Variants in DGKI observed in about 807,000 individuals in gnomAD.
DGKI encodes diacylglycerol kinase iota, also known as DAG kinase iota.
Under a neutral mutation model 147.5 loss-of-function variants are expected in DGKI, and 55 were observed. That is an observed-to-expected ratio of 0.37 (90% confidence interval 0.30 to 0.47). The LOEUF is 0.47. Ranked by LOEUF, DGKI falls within the 20% of genes least tolerant of loss-of-function variation. The pLI is 1.00. For synonymous variants in DGKI, 469 were observed against 477.1 expected, an observed-to-expected ratio of 0.98 and a Z score of 0.22; for missense variants, 1,007 against 1,323.8, an observed-to-expected ratio of 0.76 and a Z score of 3.71.
At chr7:137,466,098 G>A (rs1204113136) in intron 25 of DGKI, 63 bp from the exon 26 acceptor site, 2 of 1,582,188 alleles carry the variant, frequency 1.3e-6, no homozygotes, top group Non-Finnish European at 1.7e-6. Context: ...TGGTCTCGAG[G>A]AATAATGAAA....
intron 2 of DGKI, among the ~76,000 whole-genome samples, chr7:137,680,510 TGGCTCATGCCTGTAATCCCAGCGCTTCA>T (rs1190243837): frequency 2.6e-5 from 4 of 152,152 alleles, no homozygotes; most frequent in African/African-American, 9.7e-5. Context: ...CCAGGAGCAG[TGGCTCATGCCTGTAATCCCAGCGCTTCA>T]GGAGGCTGAG....
intron 1 of DGKI, among the ~76,000 whole-genome samples, chr7:137,845,393 T>G (rs114298963): frequency 2.6e-5 from 4 of 152,170 alleles, no homozygotes; most frequent in African/African-American, 4.8e-5. Flanking sequence ...GCTTAATACT[T>G]TATATGGTTT....
chr7:137,616,916 G>C (rs1486442413), intron 8 of DGKI, among the ~76,000 whole-genome samples: 2 of 151,654 alleles, frequency 1.3e-5, no homozygotes, highest in African/African-American at 4.8e-5. Context: ...ATTGGAAAAC[G>C]ACTCCTTGGC....
intron 6 of DGKI, among the ~76,000 whole-genome samples, chr7:137,638,226 G>C (rs1477309052): frequency 6.6e-6 from 1 of 151,566 alleles, no homozygotes; most frequent in Non-Finnish European, 1.5e-5. Flanking sequence ...CTCATTTGCT[G>C]GTGGCTCTCT....
chr7:137,768,624 T>C lies in DGKI; in HGVS notation c.401+77838A>G, dbSNP rs550121885. Among the ~76,000 whole-genome samples the C allele has an allele frequency of 3.3e-5, 5 of 152,332 alleles. No individual in the cohort carries two copies. The East Asian group carries it at 9.6e-4, about 29-fold the overall frequency. ...GGGAGGCAACCCGACTGCATGCACGTACAGGCCCCGGGCAGAATCACGCTG... is the reference window on the plus strand; with the variant it reads ...GGGAGGCAACCCGACTGCATGCACGCACAGGCCCCGGGCAGAATCACGCTG... On this transcript the variant is annotated intron_variant, in intron 1 of 32. Transcript: ENST00000614521.
rs149329953 is a variant in DGKI at position 137,779,067 on chromosome 7, AAGAT to A, written c.401+67391_401+67394del. Among the ~76,000 whole-genome samples the A allele has an allele frequency of 1.4e-3, 216 of 152,350 alleles. 3 individuals carry two copies. In the East Asian group the frequency reaches 0.032, roughly 23 times the overall value. The stretch of plus-strand genomic sequence containing the variant: ...ATACATTAATCTTGAAAACAGAAAA[AAGAT>A]AGAGAATTCATACCACATGACTTGA... On this transcript the variant is annotated intron_variant, in intron 1 of 32. Coordinates refer to ENST00000614521, the MANE Select transcript of DGKI (RefSeq NM_001321708.2).
In DGKI at chr7:137,397,421, A is replaced by G; in HGVS notation, c.2921-8T>C. 6.2e-7 allele frequency: 1 copy of G among 1,611,264 alleles called. No homozygotes were observed. Among genetic ancestry groups the G allele is most frequent in the East Asian group, 2.2e-5 (1 of 44,840 alleles). On this transcript the variant is annotated splice_region_variant and splice_polypyrimidine_tract_variant and intron_variant, in intron 30 of 32. Coordinates refer to ENST00000614521, the MANE Select transcript of DGKI (RefSeq NM_001321708.2). Reference sequence around the variant, plus strand: ...CCAATAACTCGGAAGGTCCTAAATAAGAAGAAAGCAAGATGACCGTCAAAA... The same window carrying G: ...CCAATAACTCGGAAGGTCCTAAATAGGAAGAAAGCAAGATGACCGTCAAAA...
rs147105837 is a variant in DGKI, at chr7:137,634,724, C to T, written c.804+10748G>A. ...CTGGAAAAATGGGAGTACTGAATGA[C>T]GAGCTCAAAGAGGAGGAAAATGCTG... On this transcript the variant is annotated intron_variant, in intron 6 of 32. Coordinates refer to ENST00000614521, the MANE Select transcript of DGKI (RefSeq NM_001321708.2). Among the ~76,000 whole-genome samples, 119 of 152,256 alleles carry T rather than the reference C, an allele frequency of 7.8e-4. 6 individuals are homozygous for T. The East Asian group carries it at 0.021, about 26-fold the overall frequency.
At chr7:137,793,417 C>T (rs532384119) in intron 1 of DGKI, among the ~76,000 whole-genome samples, 1 of 152,168 alleles carries the variant, frequency 6.6e-6, no homozygotes, top group East Asian at 1.9e-4. Flanking sequence ...TCTCCTGCCT[C>T]AGCCTCCTGA....
At chr7:137,706,519 TATTTTATTTC>T (rs1180420349) in intron 1 of DGKI, among the ~76,000 whole-genome samples, 72 of 144,132 alleles carry the variant, frequency 5.0e-4, no homozygotes, top group African/African-American at 1.5e-3. Context: ...TATTTCATTT[TATTTTATTTC>T]ATTTTATTTC....
chr7:137,506,362 T>C (rs1317483985), intron 21 of DGKI, among the ~76,000 whole-genome samples: 1 of 152,142 alleles, frequency 6.6e-6, no homozygotes, highest in Non-Finnish European at 1.5e-5. Context: ...AAAGGCTACA[T>C]GATGTATAAT....
In DGKI at chr7:137,678,807, C is replaced by A. The variant is rs10269622; in HGVS notation, c.511-155G>T. Among the ~76,000 whole-genome samples the A allele has an allele frequency of 0.054, 8,205 of 152,162 alleles. 679 individuals are homozygous for A. Among genetic ancestry groups the A allele is most frequent in the African/African-American group, 0.18 (7,458 of 41,478 alleles). Reference sequence around the variant, plus strand: ...TAAAAGTACTGCTAGAGTTGATTCTCCCGAAATTCTAAAAAGGGAGAAAGG... The same window carrying A: ...TAAAAGTACTGCTAGAGTTGATTCTACCGAAATTCTAAAAAGGGAGAAAGG... On this transcript the variant is annotated intron_variant, in intron 2 of 32. Coordinates refer to ENST00000614521, the MANE Select transcript of DGKI (RefSeq NM_001321708.2).
intron 15 of DGKI, among the ~76,000 whole-genome samples, chr7:137,580,020 A>C (rs1819133402): frequency 6.6e-6 from 1 of 152,102 alleles, no homozygotes; most frequent in African/African-American, 2.4e-5. Flanking sequence ...TAGAAACTTC[A>C]TCATAGTTCA....
intron 1 of DGKI, chr7:137,771,631 A>G (rs1375201213): frequency 6.6e-6 from 1 of 152,226 alleles, no homozygotes; most frequent in Admixed American, 6.5e-5. Context: ...GATTATTTCA[A>G]TGATATTTAA....
intron 21 of DGKI, among the ~76,000 whole-genome samples, chr7:137,517,241 G>GAAC (rs1816778351): frequency 1.0e-5 from 1 of 99,826 alleles, no homozygotes; most frequent in Admixed American, 1.0e-4. Context: ...AAGAAAGAAA[G>GAAC]AAAGAAAAGA....
intron 28 of DGKI, among the ~76,000 whole-genome samples, chr7:137,433,924 C>T (rs1813179966): frequency 6.6e-6 from 1 of 151,716 alleles, no homozygotes; most frequent in Admixed American, 6.6e-5. Flanking sequence ...TCGAGACCAG[C>T]CTGGCCAACA....
chr7:137,762,203 A>G (rs1450625436), intron 1 of DGKI, among the ~76,000 whole-genome samples: 3 of 152,174 alleles, frequency 2.0e-5, no homozygotes, highest in Non-Finnish European at 4.4e-5. Flanking sequence ...CCCCATGTCT[A>G]TAACAGTATA....
At chr7:137,486,453 G>T (rs1438062410) in intron 22 of DGKI, among the ~76,000 whole-genome samples, 1 of 151,844 alleles carries the variant, frequency 6.6e-6, no homozygotes, top group Non-Finnish European at 1.5e-5. Context: ...CATTATTTTG[G>T]GAAATGAGAT....
chr7:137,597,371 A>C (rs1357986181), intron 12 of DGKI, among the ~76,000 whole-genome samples: 2 of 152,156 alleles, frequency 1.3e-5, no homozygotes, highest in African/African-American at 4.8e-5. Context: ...AAGTATGTCA[A>C]CAAAAAAGAA....
Sources: allele counts gnomAD v4.1 joint callset (sites outside exome capture counted in the v4.1 genomes callset), GRCh38; gene constraint gnomAD v4.1.1; transcripts MANE v1.5; gene names NCBI Gene and HGNC (gene_info 2026-07-23, HGNC 2026-07-21).